Variants in STAU2 observed in about 807,000 individuals in gnomAD.
STAU2 encodes the protein double-stranded RNA-binding protein Staufen homolog 2.
Under a neutral mutation model 65.9 loss-of-function variants are expected in STAU2, and 20 were observed. The observed-to-expected ratio is 0.30, with a 90% CI of 0.21 to 0.44. STAU2 has a LOEUF of 0.44. Ranked by LOEUF, STAU2 falls within the 20% of genes least tolerant of loss-of-function variation. The probability of loss-of-function intolerance (pLI) is 1.00; values close to 1 mark genes in which losing one functional copy is unlikely to be tolerated. For missense variants in STAU2, 558 were observed against 683.9 expected (o/e 0.82, Z 2.05); for synonymous variants, 232 against 233.9 (o/e 0.99, Z 0.07).
At chr8:73,442,284 G>A (rs1832180467) in intron 13 of STAU2, among the ~76,000 whole-genome samples, 1 of 149,768 alleles carries the variant, frequency 6.7e-6, no homozygotes, top group African/African-American at 2.5e-5. Flanking sequence ...AACTTGGAAG[G>A]TGGAGCTTGC....
chr8:73,614,025 A>T, intron 8 of STAU2, 69 bp from the exon 9 acceptor site: 1 of 1,299,294 alleles, frequency 7.7e-7, no homozygotes, highest in Non-Finnish European at 1.0e-6. Flanking sequence ...GTATGACTTA[A>T]TATTCATATC....
chr8:73,520,734 C>G (rs972465908), intron 13 of STAU2, among the ~76,000 whole-genome samples: 1 of 152,194 alleles, frequency 6.6e-6, no homozygotes, highest in African/African-American at 2.4e-5. Context: ...ACAGAGAACT[C>G]CTGTGGCTAT....
chr8:73,560,162 G>A (rs974304719), intron 12 of STAU2, among the ~76,000 whole-genome samples: 1 of 146,598 alleles, frequency 6.8e-6, no homozygotes, highest in South Asian at 2.2e-4. Context: ...CTCACTGCAA[G>A]CTCTGCCTCC....
At chr8:73,707,919 G>A (rs1045164748) in intron 4 of STAU2, among the ~76,000 whole-genome samples, 1 of 152,054 alleles carries the variant, frequency 6.6e-6, no homozygotes. Flanking sequence ...AAGGGCAAAA[G>A]CACCTTCAAG....
At chr8:73,668,947 A>G (rs1817447889) in intron 6 of STAU2, 4 of 672,106 alleles carry the variant, frequency 6.0e-6, no homozygotes, top group Admixed American at 4.6e-5. Flanking sequence ...GTAGAAAATA[A>G]AAGGACCTTT....
intron 6 of STAU2, among the ~76,000 whole-genome samples, chr8:73,657,121 T>C (rs1816441290): frequency 6.6e-6 from 1 of 152,150 alleles, no homozygotes; most frequent in Admixed American, 6.5e-5. Flanking sequence ...AGCACACAAA[T>C]ACTAAGAGAT....
At chr8:73,604,042 C>T (rs568896668) in intron 9 of STAU2, among the ~76,000 whole-genome samples, 179 bp from the exon 10 acceptor site, 40 of 152,140 alleles carry the variant, frequency 2.6e-4, no homozygotes, top group Admixed American at 9.2e-4. Context: ...GTAACCAAGG[C>T]TTCTATGGGA....
intron 13 of STAU2, among the ~76,000 whole-genome samples, chr8:73,536,716 C>T (rs1276243488): frequency 6.6e-6 from 1 of 152,170 alleles, no homozygotes; most frequent in African/African-American, 2.4e-5. Context: ...CTTTCACCCC[C>T]ACCCAGCTGT....
intron 5 of STAU2, among the ~76,000 whole-genome samples, chr8:73,684,700 A>G (rs1172108778): frequency 6.6e-6 from 1 of 152,218 alleles, no homozygotes; most frequent in African/African-American, 2.4e-5. Context: ...AAATCTTCAC[A>G]AACTATGTAT....
At chr8:73,592,258 C>A (rs1003324555) in intron 11 of STAU2, among the ~76,000 whole-genome samples, 3 of 151,604 alleles carry the variant, frequency 2.0e-5, no homozygotes, top group Admixed American at 6.6e-5. Context: ...TGATCAATAT[C>A]AGAAATGAAA....
At chr8:73,719,354 G>A (rs530983704) in intron 3 of STAU2, among the ~76,000 whole-genome samples, 1 of 151,994 alleles carries the variant, frequency 6.6e-6, no homozygotes, top group Non-Finnish European at 1.5e-5. Context: ...TCAGTGAGCC[G>A]AGATCGTGCC....
intron 4 of STAU2, among the ~76,000 whole-genome samples, chr8:73,698,436 A>T (rs193185377): frequency 7.9e-5 from 12 of 152,316 alleles, no homozygotes; most frequent in Admixed American, 7.2e-4. Context: ...ACACAGACAG[A>T]AAAGAGAGGG....
chr8:73,581,168 C>T (rs1312991428), intron 12 of STAU2, among the ~76,000 whole-genome samples: 2 of 152,002 alleles, frequency 1.3e-5, no homozygotes, highest in Admixed American at 6.5e-5. Flanking sequence ...ACACATAAAG[C>T]TAGGGGCCAA....
At chr8:73,609,002 T>C (rs1812240776) in intron 9 of STAU2, among the ~76,000 whole-genome samples, 1 of 151,958 alleles carries the variant, frequency 6.6e-6, no homozygotes, top group African/African-American at 2.4e-5. Context: ...AAGTTAAAAA[T>C]GACCCCCAGC....
Position 73,696,618 on chromosome 8 carries a change from C to T in STAU2, c.115-7805G>A, listed in dbSNP as rs116105749. Among the ~76,000 whole-genome samples the T allele has an allele frequency of 2.9e-3, 440 of 152,202 alleles. 3 individuals are homozygous for T. The highest frequency in any genetic ancestry group is 0.01 in the African/African-American group (420 of 41,530). ...CATGATGAGGACTACATCAAAGTCT[C>T]TTAACAACAGAAATGATTAAGAAGA... is the stretch of plus-strand genomic sequence containing the variant. On this transcript the variant is annotated intron_variant, in intron 4 of 14. Coordinates refer to ENST00000524300, the MANE Select transcript of STAU2 (RefSeq NM_001164380.2).
intron 6 of STAU2, among the ~76,000 whole-genome samples, chr8:73,627,924 C>T (rs1813809362): frequency 6.6e-6 from 1 of 151,908 alleles, no homozygotes; most frequent in Non-Finnish European, 1.5e-5. Flanking sequence ...TCTGTATCAA[C>T]TTTCAGCTTT....
intron 1 of STAU2, 143 bp from the exon 2 acceptor site, chr8:73,740,011 G>C: frequency 1.8e-6 from 1 of 546,292 alleles, no homozygotes. Context: ...AGGCCCATAT[G>C]GCAAAGAACT....
intron 13 of STAU2, among the ~76,000 whole-genome samples, chr8:73,525,183 A>T (rs1823284370): frequency 6.6e-6 from 1 of 152,208 alleles, no homozygotes; most frequent in Non-Finnish European, 1.5e-5. Context: ...ACATTTCCTG[A>T]AAGTTTCTAT....
intron 3 of STAU2, among the ~76,000 whole-genome samples, chr8:73,711,152 A>C (rs1402681479): frequency 6.6e-6 from 1 of 150,560 alleles, no homozygotes; most frequent in Non-Finnish European, 1.5e-5. Flanking sequence ...AAAAAAAAAA[A>C]AAAAACTAGT....
Sources: gnomAD v4.1 joint callset for allele counts (sites outside exome capture counted in the v4.1 genomes callset) on GRCh38, gnomAD v4.1.1 for gene constraint, MANE v1.5 for transcripts, NCBI Gene and HGNC (gene_info 2026-07-23, HGNC 2026-07-21) for gene names.